The following LAMC1 variants were observed in gnomAD, a reference collection of about 807,000 sequenced individuals.
LAMC1 encodes laminin subunit gamma-1.
Under a neutral mutation model 173.6 loss-of-function variants are expected in LAMC1, and 38 were observed. The observed-to-expected ratio is 0.22, with a 90% CI of 0.17 to 0.29. The LOEUF (loss-of-function observed/expected upper bound fraction) is 0.29, where lower values mean the gene tolerates loss of function less well. Among genes scored for constraint, LAMC1 ranks in the 10% least tolerant of loss-of-function variants. The pLI is 1.00. For missense variants in LAMC1, 1,824 were observed against 2,051.8 expected, an observed-to-expected ratio of 0.89 and a Z score of 2.14; for synonymous variants, 746 against 749.1, an observed-to-expected ratio of 1.00 and a Z score of 0.07.
At chr1:183,050,969 A>AT (rs1482057465) in intron 1 of LAMC1, among the ~76,000 whole-genome samples, 14 of 151,908 alleles carry the variant, frequency 9.2e-5, no homozygotes, top group African/African-American at 4.8e-5. Context: ...TACAGTCCTA[A>AT]ATTCTGAGTT....
chr1:183,048,691 A>C (rs1462545072), intron 1 of LAMC1, among the ~76,000 whole-genome samples: 1 of 152,148 alleles, frequency 6.6e-6, no homozygotes, highest in Non-Finnish European at 1.5e-5. Flanking sequence ...ATAATTTATG[A>C]GTTTTATTTT....
intron 11 of LAMC1, among the ~76,000 whole-genome samples, chr1:183,119,379 A>T (rs1656408534): frequency 6.6e-6 from 1 of 152,140 alleles, no homozygotes; most frequent in Admixed American, 6.6e-5. Context: ...AGTAGTTAGA[A>T]ATATGAATCT....
Position 183,126,140 on chromosome 1 carries a change from G to GCTC in LAMC1, c.2824_2826dup (p.Ser942dup). The GCTC allele has an allele frequency of 6.2e-7, 1 of 1,614,106 alleles. No homozygotes were observed. Among genetic ancestry groups the GCTC allele is most frequent in the Non-Finnish European group, 8.5e-7 (1 of 1,180,024 alleles). ...TTCAGGTGTGACTGCCATGCCTTGGGCTCCACCAATGGGCAGTGTGACATC... is the reference window on the plus strand; with the variant it reads ...TTCAGGTGTGACTGCCATGCCTTGGGCTCCTCCACCAATGGGCAGTGTGACATC... On this transcript the variant is annotated inframe_insertion, in exon 16 of 28. Coordinates refer to ENST00000258341, the MANE Select transcript of LAMC1 (RefSeq NM_002293.4).
chr1:183,051,774 C>T (rs1003553977), intron 1 of LAMC1, among the ~76,000 whole-genome samples: 34 of 152,228 alleles, frequency 2.2e-4, no homozygotes, highest in Middle Eastern at 3.4e-3. Context: ...AGAAATATCC[C>T]GAGGCTATGC....
In LAMC1 at chr1:183,069,815, G is replaced by A. The variant is rs543935677; in HGVS notation, c.419-33513G>A. Among the ~76,000 whole-genome samples the A allele has an allele frequency of 3.3e-5, 5 of 152,318 alleles. No homozygotes were observed. In the East Asian group the frequency reaches 9.6e-4, roughly 29 times the overall value. ...CAGGTCTCTTTGCTGATCTTGTGCT[G>A]CTTTCTGAGGAGCCTGTTTTTAGAA... On this transcript the variant is annotated intron_variant, in intron 1 of 27. Coordinates refer to ENST00000258341, the MANE Select transcript of LAMC1 (RefSeq NM_002293.4).
At chr1:183,124,897 T>G in intron 14 of LAMC1, 21 bp downstream of exon 14, 1 of 1,610,592 alleles carries the variant, frequency 6.2e-7, no homozygotes, top group East Asian at 2.2e-5. Flanking sequence ...TTTGATCAGA[T>G]TCTGTCACAG....
At chr1:183,046,276 A>T (rs963403718) in intron 1 of LAMC1, among the ~76,000 whole-genome samples, 3 of 151,964 alleles carry the variant, frequency 2.0e-5, no homozygotes, top group Non-Finnish European at 2.9e-5. Context: ...TTCCTTTCCA[A>T]CTTATTCTTC....
At chr1:183,031,836 T>C (rs1411496890) in intron 1 of LAMC1, among the ~76,000 whole-genome samples, 1 of 152,110 alleles carries the variant, frequency 6.6e-6, no homozygotes, top group Non-Finnish European at 1.5e-5. Flanking sequence ...TACTTTGCCT[T>C]GGTTGCTTGC....
At chr1:183,028,197 G>A (rs548195836) in intron 1 of LAMC1, among the ~76,000 whole-genome samples, 7 of 151,932 alleles carry the variant, frequency 4.6e-5, no homozygotes, top group African/African-American at 1.7e-4. Context: ...ACATTTGTGG[G>A]AGGAATCAAG....
chr1:183,120,545 A>G (rs1162156613), intron 11 of LAMC1, among the ~76,000 whole-genome samples: 1 of 152,230 alleles, frequency 6.6e-6, no homozygotes, highest in African/African-American at 2.4e-5. Context: ...CTATTTCATA[A>G]CATGAAAAAT....
intron 1 of LAMC1, among the ~76,000 whole-genome samples, chr1:183,064,420 T>C (rs1171517577): frequency 6.6e-6 from 1 of 152,230 alleles, no homozygotes; most frequent in Non-Finnish European, 1.5e-5. Context: ...GTAAGTATAG[T>C]AAGTCCTTAC....
At chr1:183,050,365 G>A (rs754461871) in intron 1 of LAMC1, among the ~76,000 whole-genome samples, 14 of 144,276 alleles carry the variant, frequency 9.7e-5, no homozygotes, top group East Asian at 4.2e-4. Flanking sequence ...CACTGCAAGC[G>A]CCACCTCCCA....
At chr1:183,031,678 GAAAGGTGTT>G (rs890311455) in intron 1 of LAMC1, among the ~76,000 whole-genome samples, 1 of 152,162 alleles carries the variant, frequency 6.6e-6, no homozygotes, top group Non-Finnish European at 1.5e-5. Flanking sequence ...GGGTTTTAGG[GAAAGGTGTT>G]AAAGTTTAGA....
chr1:183,128,476 A>ATT (rs1472977118), intron 17 of LAMC1, 118 bp from the exon 18 acceptor site: 2 of 685,828 alleles, frequency 2.9e-6, no homozygotes, highest in African/African-American at 3.7e-5. Flanking sequence ...TAATTAAAAA[A>ATT]AAAAAAAAAG....
chr1:183,103,484 G>A lies in LAMC1; in HGVS notation c.575G>A (p.Gly192Asp), dbSNP rs1323749286. 3.1e-6 allele frequency: 5 copies of A among 1,614,070 alleles called. No individual in the cohort carries two copies. Among genetic ancestry groups the A allele is most frequent in the East Asian group, 2.2e-5 (1 of 44,900 alleles). ...AACACCTACTCCAAGGCAAACCGCG[G>A]CTTCATCAGGACAGGAGGGGACGAG... ...CENTYSKANR[G>D]FIRTGGDEQQ... The change falls in exon 2 of 28, where the codon GGC becomes GAC. Residue 192 changes from glycine (G) to aspartate (D), a missense_variant. By Grantham distance (94) the Gly-to-Asp change is moderately conservative. Coordinates refer to ENST00000258341, the MANE Select transcript of LAMC1 (RefSeq NM_002293.4).
At chr1:183,028,153 T>TCC (rs947126687) in intron 1 of LAMC1, among the ~76,000 whole-genome samples, 12 of 53,256 alleles carry the variant, frequency 2.3e-4, no homozygotes, top group African/African-American at 4.7e-4. Flanking sequence ...AAGGCATTCC[T>TCC]CCCCCCCCCC....
intron 1 of LAMC1, among the ~76,000 whole-genome samples, chr1:183,043,082 T>C (rs1488040545): frequency 6.6e-6 from 1 of 152,204 alleles, no homozygotes; most frequent in African/African-American, 2.4e-5. Flanking sequence ...TTCTTAAATG[T>C]ATATTTATCT....
At chr1:183,129,367 C>G (rs1171630162) in intron 18 of LAMC1, among the ~76,000 whole-genome samples, 1 of 152,116 alleles carries the variant, frequency 6.6e-6, no homozygotes, top group Non-Finnish European at 1.5e-5. Flanking sequence ...GGATTACAGG[C>G]TTGAGCCACT....
chr1:183,117,271 C>A, intron 8 of LAMC1, 49 bp from the exon 9 acceptor site: 1 of 1,562,330 alleles, frequency 6.4e-7, no homozygotes, highest in Non-Finnish European at 8.7e-7. Context: ...GACCTGAATT[C>A]AGGATGTTTA....
Sources: allele counts gnomAD v4.1 joint callset (sites outside exome capture counted in the v4.1 genomes callset), GRCh38; gene constraint gnomAD v4.1.1; transcripts MANE v1.5; gene names NCBI Gene and HGNC (gene_info 2026-07-23, HGNC 2026-07-21).